The following FOCAD variants were observed in gnomAD, a reference collection of about 807,000 sequenced individuals.
The protein encoded by FOCAD is KIAA1797.
FOCAD carries 198 observed loss-of-function variants against 225.6 expected under a neutral mutation model. The ratio of observed to expected loss-of-function variants is 0.88; its 90% CI spans 0.78 to 0.99. The LOEUF is 0.99. Ranked by LOEUF, FOCAD falls within the 50% of genes least tolerant of loss-of-function variation. FOCAD has a pLI of 0.00. For missense variants in FOCAD, 2,713 were observed against 2,123.6 expected (o/e 1.28, Z -5.46); for synonymous variants, 897 against 755.0 (o/e 1.19, Z -3.08).
chr9:20,884,292 C>CTA (rs989900875), intron 20 of FOCAD, among the ~76,000 whole-genome samples: 10 of 151,804 alleles, frequency 6.6e-5, no homozygotes, highest in African/African-American at 2.4e-4. Flanking sequence ...AAGTAATATA[C>CTA]TATATTATAT....
chr9:20,879,125 A>C (rs1446656999), intron 19 of FOCAD, among the ~76,000 whole-genome samples: 1 of 152,168 alleles, frequency 6.6e-6, no homozygotes, highest in African/African-American at 2.4e-5. Flanking sequence ...GTTTCTAGGT[A>C]TTCCTTAAGC....
chr9:20,724,204 A>G lies in FOCAD; in HGVS notation c.287+3670A>G, dbSNP rs149374187. 6.8e-4 allele frequency among the ~76,000 whole-genome samples: 104 copies of G among 152,362 alleles called. 1 individual carries two copies. In the East Asian group the frequency reaches 7.3e-3, roughly 11 times the overall value. ...TCCAAACCATTTCAGAACTCATTCT[A>G]TAAAATATATAAACAGCTTTCTATT... On this transcript the variant is annotated intron_variant, in intron 4 of 43. Transcript: ENST00000338382.
intron 5 of FOCAD, among the ~76,000 whole-genome samples, chr9:20,755,342 A>G (rs1828951596): frequency 1.3e-5 from 2 of 152,362 alleles, no homozygotes; most frequent in South Asian, 4.1e-4. Flanking sequence ...TCCAATAGCT[A>G]GCAAAACAGG....
intron 9 of FOCAD, among the ~76,000 whole-genome samples, chr9:20,779,791 A>C (rs1819186148): frequency 6.6e-6 from 1 of 151,992 alleles, no homozygotes; most frequent in Non-Finnish European, 1.5e-5. Context: ...CTTATTGTAT[A>C]GCTCATTCTT....
At chr9:20,923,834 T>G in intron 25 of FOCAD, 66 bp downstream of exon 25, 1 of 1,224,918 alleles carries the variant, frequency 8.2e-7, no homozygotes, top group Non-Finnish European at 1.2e-6. Flanking sequence ...TTAGGTAGCC[T>G]GGCCCTGGGC....
intron 8 of FOCAD, among the ~76,000 whole-genome samples, chr9:20,771,602 T>C (rs899657660): frequency 2.6e-5 from 4 of 152,012 alleles, no homozygotes; most frequent in African/African-American, 9.7e-5. Context: ...CTACTAAAAA[T>C]ACAAAAAATT....
chr9:20,962,760 G>A (rs188763174), intron 35 of FOCAD, among the ~76,000 whole-genome samples: 3 of 152,140 alleles, frequency 2.0e-5, no homozygotes, highest in Admixed American at 2.0e-4. Flanking sequence ...AAGTAACTTT[G>A]TTTCCAGGTT....
At chr9:20,821,127 A>AT in intron 14 of FOCAD, 56 bp downstream of exon 14, 2 of 1,511,994 alleles carry the variant, frequency 1.3e-6, no homozygotes, top group Non-Finnish European at 1.8e-6. Context: ...TTTGTATTTA[A>AT]TTTTTTAATT....
chr9:20,773,201 T>TC (rs1818409245), intron 8 of FOCAD, among the ~76,000 whole-genome samples: 2 of 152,148 alleles, frequency 1.3e-5, no homozygotes, highest in South Asian at 2.1e-4. Flanking sequence ...ATTGTGTATT[T>TC]CCCCCCACCT....
intron 15 of FOCAD, among the ~76,000 whole-genome samples, chr9:20,847,574 T>C (rs1046670261): frequency 6.6e-6 from 1 of 151,924 alleles, no homozygotes; most frequent in Non-Finnish European, 1.5e-5. Context: ...GTGACAAGAA[T>C]AGTTGTTAAT....
chr9:20,889,577 C>A (rs1238516592), intron 21 of FOCAD, among the ~76,000 whole-genome samples: 1 of 152,170 alleles, frequency 6.6e-6, no homozygotes, highest in Non-Finnish European at 1.5e-5. Flanking sequence ...TCTGTACTCA[C>A]TTTTGTTCCA....
intron 22 of FOCAD, 143 bp from the exon 23 acceptor site, chr9:20,912,723 C>A: frequency 1.7e-6 from 1 of 601,832 alleles, no homozygotes. Context: ...GATTTCTCCT[C>A]ACACATCCTC....
At chr9:20,749,246 A>G (rs1474011379) in intron 5 of FOCAD, among the ~76,000 whole-genome samples, 2 of 152,156 alleles carry the variant, frequency 1.3e-5, no homozygotes, top group East Asian at 1.9e-4. Context: ...ATATTTTCAC[A>G]GAAAGGAATC....
chr9:20,785,001 CT>C (rs1156734921), intron 10 of FOCAD, among the ~76,000 whole-genome samples: 1 of 151,576 alleles, frequency 6.6e-6, no homozygotes, highest in Non-Finnish European at 1.5e-5. Flanking sequence ...TATCTGGGCC[CT>C]GGTAAAATGG....
chr9:20,792,235 C>T (rs911048273), intron 11 of FOCAD, among the ~76,000 whole-genome samples: 37 of 152,134 alleles, frequency 2.4e-4, no homozygotes, highest in African/African-American at 8.4e-4. Context: ...AGATTAAATA[C>T]TTAGGTATCT....
In FOCAD at chr9:20,720,636, G is replaced by A. The variant is rs1340354944; in HGVS notation, c.287+102G>A. On this transcript the variant is annotated intron_variant, in intron 4 of 43. Coordinates refer to ENST00000338382, the MANE Select transcript of FOCAD (RefSeq NM_001375567.1). ...TCAGCATTCATCCTACTTGCCAGTTGTTTTTCTTGCTCTTAAAATGTCATG... is the reference window on the plus strand; with the variant it reads ...TCAGCATTCATCCTACTTGCCAGTTATTTTTCTTGCTCTTAAAATGTCATG... The A allele has an allele frequency of 6.0e-6, 7 of 1,170,014 alleles. No individual in the cohort carries two copies. The East Asian group carries it at 1.7e-4, about 29-fold the overall frequency. 72.5% of individuals were successfully genotyped at this position (1,170,014 alleles called of 1,614,324 possible).
chr9:20,970,905 A>C (rs1334691413), intron 35 of FOCAD, among the ~76,000 whole-genome samples: 1 of 152,220 alleles, frequency 6.6e-6, no homozygotes, highest in Non-Finnish European at 1.5e-5. Flanking sequence ...ATTAAACATT[A>C]ATTAAGCAAT....
rs775739710 is a variant in FOCAD, at chr9:20,874,694, T to C, written c.2204T>C (p.Ile735Thr). The C allele has an allele frequency of 2.2e-5, 35 of 1,613,300 alleles. No individual in the cohort carries two copies. The highest frequency in any genetic ancestry group is 2.9e-5 in the Non-Finnish European group (34 of 1,179,594). The change falls in exon 19 of 44, where the codon ATT (isoleucine) becomes ACT (threonine). Residue 735 changes from isoleucine to threonine, a missense_variant. Transcript: ENST00000338382. Reference protein sequence around the residue: ...LHLPEKIRPEIPIPEELDDDE... With the variant: ...LHLPEKIRPETPIPEELDDDE... ...TTATCATTTCAGATAAGACCAGAAA[T>C]TCCCATTCCTGAAGAGTTAGATGAC...
chr9:20,703,196 G>GA (rs1824110060), intron 1 of FOCAD, among the ~76,000 whole-genome samples: 2 of 151,866 alleles, frequency 1.3e-5, no homozygotes, highest in Admixed American at 1.3e-4. Context: ...GTGGTGGGGG[G>GA]ATAGGGAAGG....
Sources: gnomAD v4.1 joint callset for allele counts (sites outside exome capture counted in the v4.1 genomes callset) on GRCh38, gnomAD v4.1.1 for gene constraint, MANE v1.5 for transcripts, NCBI Gene and HGNC (gene_info 2026-07-23, HGNC 2026-07-21) for gene names.